The following GJB2 variants were observed in gnomAD, a reference collection of about 807,000 sequenced individuals.
GJB2 encodes gap junction beta-2 protein.
A neutral mutation model predicts 16.0 loss-of-function variants in GJB2; 30 were observed. That is an observed-to-expected ratio of 1.88 (90% CI 1.41 to 2.55). GJB2 has a LOEUF of 2.55. Among genes scored for constraint, GJB2 ranks in the 30% most tolerant of loss-of-function variants. GJB2 has a pLI of 0.00. For synonymous variants in GJB2, 123 were observed against 119.1 expected, an observed-to-expected ratio of 1.03 and a Z score of -0.21; for missense variants, 284 against 289.7, an observed-to-expected ratio of 0.98 and a Z score of 0.14.
chr13:20,188,834 A>G lies in GJB2; in HGVS notation c.*67T>C, dbSNP rs998066228. On this transcript the variant is annotated 3_prime_UTR_variant, in exon 2 of 2. Transcript: ENST00000382848. ...GAAATGCTAGCGACTGAGCCTTGAC[A>G]GCTGAGCACGGGTTGCCTCATCCCT... 37 of 1,259,218 alleles carry G rather than the reference A, an allele frequency of 2.9e-5. No individual in the cohort carries two copies. In the Admixed American group the frequency reaches 6.2e-4, roughly 21 times the overall value. The allele number at this position is 1,259,218 out of a possible 1,614,324, so 78.0% of individuals were successfully genotyped here.
At chr13:20,190,412 A>G (rs1410910403) in intron 1 of GJB2, among the ~76,000 whole-genome samples, 2 of 152,252 alleles carry the variant, frequency 1.3e-5, no homozygotes, top group African/African-American at 4.8e-5. Flanking sequence ...CAGTTAGCAT[A>G]TCTGTTTTGA....
intron 1 of GJB2, among the ~76,000 whole-genome samples, chr13:20,190,028 T>C (rs1432953187): frequency 6.6e-6 from 1 of 152,182 alleles, no homozygotes; most frequent in African/African-American, 2.4e-5. Context: ...CTGCATCCAT[T>C]TGCAGTCTCA....
chr13:20,190,933 C>G (rs929782851), intron 1 of GJB2, among the ~76,000 whole-genome samples: 1 of 152,196 alleles, frequency 6.6e-6, no homozygotes, highest in Non-Finnish European at 1.5e-5. Flanking sequence ...CACGGGGCAC[C>G]AAGGTCAGGC....
At position 20,188,736 on chromosome 13, in the gene GJB2, G is replaced by T; in HGVS notation, c.*165C>A. The T allele has an allele frequency of 1.6e-6, 1 of 639,058 alleles. No homozygotes were observed. Among genetic ancestry groups the T allele is most frequent in the Non-Finnish European group, 2.8e-6 (1 of 358,328 alleles). The allele number at this position is 639,058 out of a possible 1,614,324, so 39.6% of individuals were successfully genotyped here. ...CTTTAGGGGAGCAGAGCTCCATTGT[G>T]GCATCTGGAGTTTCACCTGAGGCCT... On this transcript the variant is annotated 3_prime_UTR_variant, in exon 2 of 2. Coordinates refer to ENST00000382848, the MANE Select transcript of GJB2 (RefSeq NM_004004.6).
In GJB2 at chr13:20,188,975, T is replaced by G; in HGVS notation, c.607A>C (p.Ile203Leu). The change falls in exon 2 of 2, where the codon ATC becomes CTC. Residue 203 changes from isoleucine to leucine, a missense_variant. Transcript: ENST00000382848. ...VFMIAVSGIC[I>L]LLNVTELCYL... ...CACAATTCAGTGACATTCAGCAGGA[T>G]GCAAATTCCAGACACTGCAATCATG... The G allele has an allele frequency of 1.2e-6, 2 of 1,614,042 alleles. No homozygotes were observed. The highest frequency in any genetic ancestry group is 2.2e-5 in the South Asian group (2 of 91,086).
At chr13:20,190,081 C>T (rs1959067917) in intron 1 of GJB2, among the ~76,000 whole-genome samples, 1 of 152,224 alleles carries the variant, frequency 6.6e-6, no homozygotes, top group Non-Finnish European at 1.5e-5. Flanking sequence ...CTTGGGCCAA[C>T]CTTGCTCAAA....
chr13:20,189,759 T>C, intron 1 of GJB2, 156 bp from the exon 2 acceptor site: 1 of 684,194 alleles, frequency 1.5e-6, no homozygotes, highest in Non-Finnish European at 2.7e-6. Flanking sequence ...CAGAACCAAC[T>C]TAGTTTGTCA....
rs754237172 is a variant in GJB2, at chr13:20,189,318, C to T, written c.264G>A (p.Ala88=). 41 of 1,613,982 alleles carry T rather than the reference C, an allele frequency of 2.5e-5. No homozygotes were observed. The highest frequency in any genetic ancestry group is 2.0e-4 in the South Asian group (18 of 91,082). ...AGGCCACGTGCATGGCCACTAGGAGCGCTGGCGTGGACACGAAGATCAGCT... is the reference window on the plus strand; with the variant it reads ...AGGCCACGTGCATGGCCACTAGGAGTGCTGGCGTGGACACGAAGATCAGCT... ...ALQLIFVSTP[A]LLVAMHVAYR... Residue 88 remains alanine, a synonymous_variant, in exon 2 of 2, where the codon GCG becomes GCA. Transcript: ENST00000382848.
chr13:20,190,953 C>T (rs577982203), intron 1 of GJB2, among the ~76,000 whole-genome samples: 10 of 152,242 alleles, frequency 6.6e-5, no homozygotes, highest in East Asian at 1.9e-4. Context: ...CAGAAACCAT[C>T]CAGTGCCACC....
In GJB2 at chr13:20,189,021, C is replaced by T. The variant is rs755875741; in HGVS notation, c.561G>A (p.Glu187=). The T allele has an allele frequency of 1.2e-6, 2 of 1,614,144 alleles. No homozygotes were observed. Among genetic ancestry groups the T allele is most frequent in the South Asian group, 2.2e-5 (2 of 91,080 alleles). The change falls in exon 2 of 2, where the codon GAG becomes GAA. Residue 187 remains glutamate, a synonymous_variant. Coordinates refer to ENST00000382848, the MANE Select transcript of GJB2 (RefSeq NM_004004.6). ...TVDCFVSRPT[E]KTVFTVFMIA... is the part of the protein sequence containing the mutation. The stretch of plus-strand genomic sequence containing the variant: ...TCATGAACACTGTGAAGACAGTCTT[C>T]TCCGTGGGCCGGGACACAAAGCAGT...
rs533231493 is a variant in GJB2 at position 20,189,558 on chromosome 13, C to G, written c.24G>C (p.Thr8=). 1 of 1,614,156 alleles carries G rather than the reference C, an allele frequency of 6.2e-7. No individual in the cohort carries two copies. The highest frequency in any genetic ancestry group is 1.3e-5 in the African/African-American group (1 of 75,040). Residue 8 remains threonine (T), a synonymous_variant, in exon 2 of 2, where the codon ACG becomes ACC. Coordinates refer to ENST00000382848, the MANE Select transcript of GJB2 (RefSeq NM_004004.6). MDWGTLQ[T]ILGGVNKHST... is the part of the protein sequence containing the mutation. The stretch of plus-strand genomic sequence containing the variant: ...AGTGTTTGTTCACACCCCCCAGGAT[C>G]GTCTGCAGCGTGCCCCAATCCATCT...
chr13:20,188,994 A>C lies in GJB2; in HGVS notation c.588T>G (p.Ile196Met), dbSNP rs759683824. 6.2e-7 allele frequency: 1 copy of C among 1,613,974 alleles called. No homozygotes were observed. The highest frequency in any genetic ancestry group is 1.7e-5 in the Admixed American group (1 of 60,022). The change falls in exon 2 of 2, where the codon ATT (isoleucine) becomes ATG (methionine). Residue 196 changes from isoleucine to methionine, a missense_variant. Coordinates refer to ENST00000382848, the MANE Select transcript of GJB2 (RefSeq NM_004004.6). ...GCAGGATGCAAATTCCAGACACTGC[A>C]ATCATGAACACTGTGAAGACAGTCT... The part of the protein sequence containing the change: ...TEKTVFTVFM[I>M]AVSGICILLN...
Position 20,188,889 on chromosome 13 carries a change from C to T in GJB2, c.*12G>A. ...TGCTGTCTATTTCTTAATCTAACAA[C>T]TGGGCAATGCGTTAAACTGGCTTTT... is the stretch of plus-strand genomic sequence containing the variant. On this transcript the variant is annotated 3_prime_UTR_variant, in exon 2 of 2. Transcript: ENST00000382848. The T allele has an allele frequency of 1.2e-6, 2 of 1,605,192 alleles. No homozygotes were observed. Among genetic ancestry groups the T allele is most frequent in the African/African-American group, 1.3e-5 (1 of 74,900 alleles).
Position 20,188,865 on chromosome 13 carries a change from G to A in GJB2, c.*36C>T. The A allele has an allele frequency of 6.5e-7, 1 of 1,535,250 alleles. No homozygotes were observed. The highest frequency in any genetic ancestry group is 1.1e-5 in the South Asian group (1 of 89,526). Reference sequence around the variant, plus strand: ...GCACGGGTTGCCTCATCCCTCTCATGCTGTCTATTTCTTAATCTAACAACT... The same window carrying A: ...GCACGGGTTGCCTCATCCCTCTCATACTGTCTATTTCTTAATCTAACAACT... On this transcript the variant is annotated 3_prime_UTR_variant, in exon 2 of 2. Coordinates refer to ENST00000382848, the MANE Select transcript of GJB2 (RefSeq NM_004004.6).
chr13:20,189,456 C>G lies in GJB2; in HGVS notation c.126G>C (p.Glu42Asp). The G allele has an allele frequency of 6.2e-7, 1 of 1,613,220 alleles. No homozygotes were observed. The highest frequency in any genetic ancestry group is 1.1e-5 in the South Asian group (1 of 91,056). ...RIMILVVAAK[E>D]VWGDEQADFV... ...AGTCGGCCTGCTCATCTCCCCACAC[C>G]TCCTTTGCAGCCACAACGAGGATCA... The change falls in exon 2 of 2, where the codon GAG (glutamate) becomes GAC (aspartate). Residue 42 changes from glutamate to aspartate, a missense_variant. By Grantham distance (45) the Glu-to-Asp change is conservative. Transcript: ENST00000382848.
In GJB2 at chr13:20,189,503, C is replaced by T. The variant is rs2274084; in HGVS notation, c.79G>A (p.Val27Ile). The change falls in exon 2 of 2, where the codon GTC becomes ATC. Residue 27 changes from valine (V) to isoleucine (I), a missense_variant. Val to Ile is a conservative substitution (Grantham distance 29). Coordinates refer to ENST00000382848, the MANE Select transcript of GJB2 (RefSeq NM_004004.6). Reference sequence around the variant, plus strand: ...ATCATAATGCGAAAAATGAAGAGGACGGTGAGCCAGATCTTTCCAATGCTG... The same window carrying T: ...ATCATAATGCGAAAAATGAAGAGGATGGTGAGCCAGATCTTTCCAATGCTG... Reference protein sequence around the residue: ...STSIGKIWLTVLFIFRIMILV... With the variant: ...STSIGKIWLTILFIFRIMILV... 29,637 of 1,614,144 alleles carry T rather than the reference C, an allele frequency of 0.018. 4,021 individuals are homozygous for T. The East Asian group carries it at 0.33, about 18-fold the overall frequency.
intron 1 of GJB2, chr13:20,189,862 A>G (rs1402005606): frequency 4.0e-6 from 2 of 502,896 alleles, no homozygotes; most frequent in African/African-American, 3.9e-5. Context: ...AATTCACCCA[A>G]TCTTTAAACA....
intron 1 of GJB2, 93 bp from the exon 2 acceptor site, chr13:20,189,696 C>A (rs1593351983): frequency 2.0e-6 from 2 of 979,480 alleles, no homozygotes; most frequent in East Asian, 4.9e-5. Context: ...ATGCTTAAAT[C>A]TCTTCCTGAG....
Position 20,188,589 on chromosome 13 carries a change from T to C in GJB2, c.*312A>G. ...TCAGAGAAAGAAACAAATGCCGATA[T>C]CCTCTGTTTAAAATATGAAAGTACC... is the stretch of plus-strand genomic sequence containing the variant. On this transcript the variant is annotated 3_prime_UTR_variant, in exon 2 of 2. Transcript: ENST00000382848. The C allele has an allele frequency of 3.1e-6, 1 of 321,718 alleles. No individual in the cohort carries two copies. Among genetic ancestry groups the C allele is most frequent in the East Asian group, 6.4e-5 (1 of 15,514 alleles). 19.9% of individuals were successfully genotyped at this position (321,718 alleles called of 1,614,324 possible).
Sources: allele counts gnomAD v4.1 joint callset (sites outside exome capture counted in the v4.1 genomes callset), GRCh38; gene constraint gnomAD v4.1.1; transcripts MANE v1.5; gene names NCBI Gene and HGNC (gene_info 2026-07-23, HGNC 2026-07-21).